The following PCNX3 variants were observed in gnomAD, a reference collection of about 807,000 sequenced individuals.
The protein encoded by PCNX3 is pecanex 3.
PCNX3 carries 58 observed loss-of-function variants against 207.2 expected under a neutral mutation model. The ratio of observed to expected loss-of-function variants is 0.28; its 90% CI spans 0.23 to 0.35. The LOEUF (loss-of-function observed/expected upper bound fraction) is 0.35. Among genes scored for constraint, PCNX3 ranks in the 10% least tolerant of loss-of-function variants. The probability of loss-of-function intolerance (pLI) is 1.00; values close to 1 mark genes in which losing one functional copy is unlikely to be tolerated. For synonymous variants in PCNX3, 1,337 were observed against 1,183.5 expected, an observed-to-expected ratio of 1.13 and a Z score of -2.66; for missense variants, 2,410 against 2,774.4, an observed-to-expected ratio of 0.87 and a Z score of 2.95.
At position 65,620,809 on chromosome 11, in the gene PCNX3, C is replaced by T. The variant is rs781399382; in HGVS notation, c.2100-22C>T. On this transcript the variant is annotated intron_variant, in intron 9 of 34. Coordinates refer to ENST00000355703, the MANE Select transcript of PCNX3 (RefSeq NM_032223.4). ...CCCAGGGCTCGCCCGTGGGGGGATC[C>T]TGATGGCTGCTGTTCTCACAGGGAC... The T allele has an allele frequency of 5.7e-6, 9 of 1,591,018 alleles. No individual in the cohort carries two copies. The South Asian group carries it at 5.7e-5, about 10-fold the overall frequency.
rs747808892 is a variant in PCNX3, at chr11:65,627,510, C to T, written c.3630C>T (p.Phe1210=). 13 of 1,613,942 alleles carry T rather than the reference C, an allele frequency of 8.1e-6. No individual in the cohort carries two copies. Among genetic ancestry groups the T allele is most frequent in the Non-Finnish European group, 1.1e-5 (13 of 1,179,876 alleles). ...YLTLAFTVLL[F]HFDYPRLSQG... is the part of the protein sequence containing the mutation. ...CGTTGGCCTTCACCGTCCTGCTCTT[C>T]CACTTTGACTACCCGCGCCTCTCCC... The change falls in exon 22 of 35, where the codon TTC becomes TTT. Residue 1210 remains phenylalanine, a synonymous_variant. Coordinates refer to ENST00000355703, the MANE Select transcript of PCNX3 (RefSeq NM_032223.4).
chr11:65,620,540 C>A, intron 9 of PCNX3, 111 bp downstream of exon 9: 2 of 1,211,088 alleles, frequency 1.7e-6, no homozygotes, highest in Non-Finnish European at 2.3e-6. Flanking sequence ...GCAGGGGCAG[C>A]TCAGATCTGC....
At chr11:65,626,725 C>T (rs1855408652) in intron 20 of PCNX3, 179 bp from the exon 21 acceptor site, 2 of 772,444 alleles carry the variant, frequency 2.6e-6, no homozygotes, top group Non-Finnish European at 4.1e-6. Flanking sequence ...TGCTAAGTGC[C>T]ATGTGGAGCC....
chr11:65,619,259 C>T lies in PCNX3; in HGVS notation c.1705+192C>T, dbSNP rs899987844. The T allele has an allele frequency of 1.6e-4, 54 of 342,804 alleles. 2 individuals carry two copies. In the Admixed American group the frequency reaches 2.1e-3, roughly 13 times the overall value. The allele number at this position is 342,804 out of a possible 1,614,324, so 21.2% of individuals were successfully genotyped here. A position where few individuals can be genotyped will look rare whatever the true frequency, so the allele number is the denominator to read the frequency against. On this transcript the variant is annotated intron_variant, in intron 6 of 34. Coordinates refer to ENST00000355703, the MANE Select transcript of PCNX3 (RefSeq NM_032223.4). ...GACATGGGGCTCAGCCACCTGGCTC[C>T]ACATCCTTGATTAGCACCTGAGTCT...
In PCNX3 at chr11:65,629,235, T is replaced by C. The variant is rs1050564268; in HGVS notation, c.3942-122T>C. ...ATGTACCTGAGCCTCAGTCTCCTCA[T>C]CTGCCTGCATAACGGGGCTGTCCTG... On this transcript the variant is annotated intron_variant, in intron 24 of 34. Coordinates refer to ENST00000355703, the MANE Select transcript of PCNX3 (RefSeq NM_032223.4). 7 of 1,086,034 alleles carry C rather than the reference T, an allele frequency of 6.4e-6. 1 individual carries two copies. The highest frequency in any genetic ancestry group is 5.2e-5 in the East Asian group (2 of 38,668). The allele number at this position is 1,086,034 out of a possible 1,614,324, so 67.3% of individuals were successfully genotyped here. A position where few individuals can be genotyped will look rare whatever the true frequency, so the allele number is the denominator to read the frequency against.
In PCNX3 at chr11:65,635,977, G is replaced by A. The variant is rs1206709039; in HGVS notation, c.5459+174G>A. Among the ~76,000 whole-genome samples, 1 of 152,150 alleles carries A rather than the reference G, an allele frequency of 6.6e-6. No individual in the cohort carries two copies. Among genetic ancestry groups the A allele is most frequent in the Non-Finnish European group, 1.5e-5 (1 of 68,018 alleles). On this transcript the variant is annotated intron_variant, in intron 32 of 34. Transcript: ENST00000355703. The surrounding 1 kb of genome is among the most constrained non-coding windows in gnomAD (Gnocchi z 9.9). ...TGTCACCTTACCCCCAGAGCTGACA[G>A]TGGCCTTTAGTCATCAAGCACTGTT...
At position 65,618,336 on chromosome 11, in the gene PCNX3, G is replaced by GC; in HGVS notation, c.980dup (p.Gly328ArgfsTer6). 1 of 1,611,528 alleles carries GC rather than the reference G, an allele frequency of 6.2e-7. No individual in the cohort carries two copies. Among genetic ancestry groups the GC allele is most frequent in the Non-Finnish European group, 8.5e-7 (1 of 1,178,982 alleles). On this transcript the variant is annotated frameshift_variant, in exon 6 of 35. Coordinates refer to ENST00000355703, the MANE Select transcript of PCNX3 (RefSeq NM_032223.4). LOFTEE classifies it high-confidence loss of function. The stretch of plus-strand genomic sequence containing the variant: ...AAGACCAACTCCACCCATCTGGACA[G>GC]CCCCCCAGGGGGGCCAGCCCCTGAG...
In PCNX3 at chr11:65,627,030, C is replaced by T; in HGVS notation, c.3506C>T (p.Pro1169Leu). ...TVDAHTVVSH[P>L]DKYCFYCRAL... Reference sequence around the variant, plus strand: ...GACGCCCACACAGTCGTCAGCCACCCGGACAAGTACTGCTTCTAGTGAGGA... The same window carrying T: ...GACGCCCACACAGTCGTCAGCCACCTGGACAAGTACTGCTTCTAGTGAGGA... Residue 1169 changes from proline to leucine, a missense_variant, in exon 21 of 35, where the codon CCG (proline) becomes CTG (leucine). Pro to Leu is a moderately conservative substitution (Grantham distance 98). This residue lies in a region of PCNX3 where 333 missense variants were observed against 386.8 expected (regional missense o/e 0.86). Transcript: ENST00000355703. 7 of 1,524,878 alleles carry T rather than the reference C, an allele frequency of 4.6e-6. No individual in the cohort carries two copies. Among genetic ancestry groups the T allele is most frequent in the East Asian group, 2.5e-5 (1 of 40,642 alleles). The allele number at this position is 1,524,878 out of a possible 1,614,324, so 94.5% of individuals were successfully genotyped here.
At position 65,617,941 on chromosome 11, in the gene PCNX3, T is replaced by A; in HGVS notation, c.579T>A (p.Ile193=). ...MLKLSSQEKL[I]GDLPQTPPGA... is the part of the protein sequence containing the mutation. ...TTCTGTTTCCCTTTATTTTGGCAGT[T>A]GGAGACCTTCCCCAGACGCCTCCAG... The change falls in exon 6 of 35, where the codon ATT becomes ATA. Residue 193 remains isoleucine (I), a splice_region_variant and synonymous_variant. Transcript: ENST00000355703. 1 of 1,573,464 alleles carries A rather than the reference T, an allele frequency of 6.4e-7. No individual in the cohort carries two copies. Among genetic ancestry groups the A allele is most frequent in the Non-Finnish European group, 8.6e-7 (1 of 1,162,206 alleles).
At chr11:65,634,819 C>T (rs1389571675) in intron 29 of PCNX3, among the ~76,000 whole-genome samples, 154 bp from the exon 30 acceptor site, 2 of 152,138 alleles carry the variant, frequency 1.3e-5, no homozygotes, top group Non-Finnish European at 2.9e-5. Context: ...CTCCTCAGTG[C>T]TCTGTGAGAG....
intron 27 of PCNX3, among the ~76,000 whole-genome samples, chr11:65,633,159 C>T (rs915818346): frequency 2.6e-5 from 4 of 152,200 alleles, no homozygotes; most frequent in African/African-American, 9.7e-5. Context: ...AGGGCCTGCC[C>T]CATTAGCTCC....
At chr11:65,617,435 C>G (rs1039579653) in intron 3 of PCNX3, 35 bp from the exon 4 acceptor site, 6 of 1,613,804 alleles carry the variant, frequency 3.7e-6, no homozygotes, top group Middle Eastern at 1.6e-4. Flanking sequence ...TACTTCTTGC[C>G]TTGTTTGTTC....
In PCNX3 at chr11:65,634,597, G is replaced by T; in HGVS notation, c.4761G>T (p.Leu1587=). The change falls in exon 29 of 35, where the codon CTG becomes CTT. Residue 1587 remains leucine (L), a synonymous_variant. Transcript: ENST00000355703. ...LVTLCFGLCV[L]GRRALGTASH... is the part of the protein sequence containing the mutation. ...CGCTGTGTTTTGGCCTGTGTGTGCT[G>T]GGCCGCCGGGCCCTGGGGACAGCCT... The T allele has an allele frequency of 6.2e-7, 1 of 1,604,148 alleles. No individual in the cohort carries two copies. Among genetic ancestry groups the T allele is most frequent in the Admixed American group, 1.7e-5 (1 of 59,718 alleles).
At chr11:65,627,345 C>T in intron 21 of PCNX3, 60 bp from the exon 22 acceptor site, 1 of 1,537,776 alleles carries the variant, frequency 6.5e-7, no homozygotes, top group South Asian at 1.2e-5. Context: ...AGGGATGGGA[C>T]ACCTATACCC....
intron 22 of PCNX3, 93 bp from the exon 23 acceptor site, chr11:65,628,502 C>T (rs1052507314): frequency 6.8e-5 from 85 of 1,246,534 alleles, no homozygotes; most frequent in Non-Finnish European, 8.8e-5. Flanking sequence ...CAAGCCAGTG[C>T]GATGACCCAA....
In PCNX3 at chr11:65,636,747, C is replaced by T; in HGVS notation, c.5893-19C>T. On this transcript the variant is annotated intron_variant, in intron 34 of 34. Transcript: ENST00000355703. ...AGGCTAAGGCCTGCTCACCCGCCAA[C>T]CTCTCCCCCCTCCCCCAGGCGCCTC... 1 of 1,545,994 alleles carries T rather than the reference C, an allele frequency of 6.5e-7. No individual in the cohort carries two copies. Among genetic ancestry groups the T allele is most frequent in the Non-Finnish European group, 8.7e-7 (1 of 1,144,484 alleles).
intron 13 of PCNX3, 38 bp from the exon 14 acceptor site, chr11:65,624,157 G>T (rs1458450613): frequency 6.3e-7 from 1 of 1,583,036 alleles, no homozygotes; most frequent in Admixed American, 1.8e-5. Context: ...GGTGTGGCCA[G>T]TCGGGGAGAC....
rs546378902 is a variant in PCNX3 at position 65,615,937 on chromosome 11, G to C, written c.-375G>C. The C allele has an allele frequency of 6.2e-5, 10 of 160,268 alleles. No homozygotes were observed. In the South Asian group the frequency reaches 7.9e-4, roughly 13 times the overall value. 9.9% of individuals were successfully genotyped at this position (160,268 alleles called of 1,614,324 possible). On this transcript the variant is annotated 5_prime_UTR_variant, in exon 1 of 35. Coordinates refer to ENST00000355703, the MANE Select transcript of PCNX3 (RefSeq NM_032223.4). ...GGTTCTCCCTGGTCCGGAGACTAGG[G>C]AGCTGTCGCCTGCACCCCGGGAGCA...
rs1330046337 is a variant in PCNX3 at position 65,635,935 on chromosome 11, G to A, written c.5459+132G>A. On this transcript the variant is annotated intron_variant, in intron 32 of 34. Coordinates refer to ENST00000355703, the MANE Select transcript of PCNX3 (RefSeq NM_032223.4). This position sits in a 1 kb window ranked among gnomAD's most constrained non-coding sequence, Gnocchi z 9.9. ...CGAGAGATGACCCCCTCCCAGAGCTGACCTGCCCCTCCTAGATGTCACCTT... is the reference window on the plus strand; with the variant it reads ...CGAGAGATGACCCCCTCCCAGAGCTAACCTGCCCCTCCTAGATGTCACCTT... 4.5e-6 allele frequency: 6 copies of A among 1,338,488 alleles called. No individual in the cohort carries two copies. The African/African-American group carries it at 8.9e-5, about 20-fold the overall frequency. 82.9% of individuals were successfully genotyped at this position (1,338,488 alleles called of 1,614,324 possible).
Sources: gnomAD v4.1 joint callset for allele counts (sites outside exome capture counted in the v4.1 genomes callset) on GRCh38, gnomAD v4.1.1 for gene constraint, gnomAD v4.1.1 regional missense constraint, Gnocchi (gnomAD v3.1) non-coding constraint, MANE v1.5 for transcripts, NCBI Gene and HGNC (gene_info 2026-07-23, HGNC 2026-07-21) for gene names.